Variants in ZFPM2 observed in about 807,000 individuals in gnomAD.
ZFPM2 encodes zinc finger protein ZFPM2.
A neutral mutation model predicts 98.6 loss-of-function variants in ZFPM2; 20 were observed. The observed-to-expected ratio is 0.20, with a 90% CI of 0.14 to 0.29. The LOEUF (loss-of-function observed/expected upper bound fraction) is 0.29, where lower values mean the gene tolerates loss of function less well. Ranked by LOEUF, ZFPM2 falls within the 10% of genes least tolerant of loss-of-function variation. ZFPM2 has a pLI of 1.00. For missense variants in ZFPM2, 1,310 were observed against 1,388.6 expected (o/e 0.94, Z 0.90); for synonymous variants, 518 against 502.7 (o/e 1.03, Z -0.41).
chr8:105,702,494 C>G (rs1288104330), intron 5 of ZFPM2, among the ~76,000 whole-genome samples: 1 of 152,218 alleles, frequency 6.6e-6, no homozygotes, highest in Non-Finnish European at 1.5e-5. Context: ...TCTTCCAAAG[C>G]AGGCTTCAGT....
In ZFPM2 at chr8:105,465,185, A is replaced by T. The variant is rs537470872; in HGVS notation, c.301+20804A>T. On this transcript the variant is annotated intron_variant, in intron 3 of 7. Transcript: ENST00000407775. ...CATTTATCTGCAGAAGGAGCAAAAAATATCTTGAATATAAAGGAAAAACAT... is the reference window on the plus strand; with the variant it reads ...CATTTATCTGCAGAAGGAGCAAAAATTATCTTGAATATAAAGGAAAAACAT... Among the ~76,000 whole-genome samples the T allele has an allele frequency of 5.3e-5, 8 of 152,168 alleles. No homozygotes were observed. The East Asian group carries it at 1.5e-3, about 29-fold the overall frequency.
intron 5 of ZFPM2, 112 bp downstream of exon 5, chr8:105,634,469 T>G: frequency 2.4e-6 from 2 of 825,506 alleles, no homozygotes; most frequent in South Asian, 3.4e-5. Flanking sequence ...ATCCTCTTCC[T>G]TTTTTCCCAT....
chr8:105,728,154 A>G (rs748110040), intron 5 of ZFPM2, among the ~76,000 whole-genome samples: 1 of 151,666 alleles, frequency 6.6e-6, no homozygotes, highest in African/African-American at 2.4e-5. Context: ...TAGAGAAGGT[A>G]TTGTAATTGT....
intron 5 of ZFPM2, among the ~76,000 whole-genome samples, chr8:105,688,225 A>G (rs1810789244): frequency 6.6e-6 from 1 of 152,146 alleles, no homozygotes; most frequent in Non-Finnish European, 1.5e-5. Context: ...CCAATTAAGT[A>G]TAAGTTGCTC....
chr8:105,615,183 A>G (rs1816388913), intron 4 of ZFPM2, among the ~76,000 whole-genome samples: 1 of 152,000 alleles, frequency 6.6e-6, no homozygotes, highest in Non-Finnish European at 1.5e-5. Flanking sequence ...TGAAAAAAAA[A>G]ACACTCTTAT....
chr8:105,344,022 C>T (rs555950049), intron 1 of ZFPM2, among the ~76,000 whole-genome samples: 6 of 152,250 alleles, frequency 3.9e-5, no homozygotes, highest in African/African-American at 1.4e-4. Flanking sequence ...GGATTTCTTA[C>T]ATGCAGTGGG....
chr8:105,587,909 C>T (rs1025259713), intron 4 of ZFPM2, among the ~76,000 whole-genome samples: 1 of 151,934 alleles, frequency 6.6e-6, no homozygotes, highest in African/African-American at 2.4e-5. Flanking sequence ...CCAGGTGTCC[C>T]TTGGGGAGCA....
In ZFPM2 at chr8:105,318,663, T is replaced by A. The variant is rs1811953512; in HGVS notation, c.-279T>A. 1 of 151,312 alleles carries A rather than the reference T, an allele frequency of 6.6e-6. No individual in the cohort carries two copies. Among genetic ancestry groups the A allele is most frequent in the African/African-American group, 2.4e-5 (1 of 41,288 alleles). 9.4% of individuals were successfully genotyped at this position (151,312 alleles called of 1,614,324 possible). A position where few individuals can be genotyped will look rare whatever the true frequency, so the allele number is the denominator to read the frequency against. On this transcript the variant is annotated 5_prime_UTR_variant, in exon 1 of 8. Transcript: ENST00000407775. Reference sequence around the variant, plus strand: ...TTCTCTCTCCCTGACCGTTCGCTTGTACATTCCCATTCTCCCCCCGTCGCT... The same window carrying A: ...TTCTCTCTCCCTGACCGTTCGCTTGAACATTCCCATTCTCCCCCCGTCGCT...
At chr8:105,578,938 A>G (rs1453685628) in intron 4 of ZFPM2, among the ~76,000 whole-genome samples, 5 of 152,112 alleles carry the variant, frequency 3.3e-5, no homozygotes, top group Admixed American at 6.6e-5. Context: ...GGCATTAACA[A>G]TCTGATCCTA....
chr8:105,764,117 C>CCAGG (rs1563553822), intron 5 of ZFPM2, among the ~76,000 whole-genome samples: 2 of 151,686 alleles, frequency 1.3e-5, no homozygotes, highest in African/African-American at 4.8e-5. Context: ...TGGTAAGTAT[C>CCAGG]CAGGACTCTC....
chr8:105,366,175 G>A (rs182936163), intron 1 of ZFPM2, among the ~76,000 whole-genome samples: 1 of 152,236 alleles, frequency 6.6e-6, no homozygotes, highest in East Asian at 1.9e-4. Context: ...ATTGAATTGA[G>A]GTCAGTTGCT....
intron 3 of ZFPM2, among the ~76,000 whole-genome samples, chr8:105,450,999 G>A (rs1285233153): frequency 6.6e-6 from 1 of 151,686 alleles, no homozygotes; most frequent in Non-Finnish European, 1.5e-5. Context: ...AAAAAAAGTA[G>A]GTTGGATCAC....
chr8:105,500,794 TAGTTA>T (rs1476717971), intron 3 of ZFPM2, among the ~76,000 whole-genome samples: 1 of 152,158 alleles, frequency 6.6e-6, no homozygotes, highest in Non-Finnish European at 1.5e-5. Flanking sequence ...GTGTGTACTT[TAGTTA>T]AAATAGTCCT....
At chr8:105,786,910 A>G (rs1006462772) in intron 5 of ZFPM2, among the ~76,000 whole-genome samples, 1 of 152,220 alleles carries the variant, frequency 6.6e-6, no homozygotes, top group African/African-American at 2.4e-5. Context: ...CTTACCAATA[A>G]TGTAAAGTTA....
chr8:105,444,912 CAA>C (rs942463581), intron 3 of ZFPM2, among the ~76,000 whole-genome samples: 1 of 151,840 alleles, frequency 6.6e-6, no homozygotes, highest in African/African-American at 2.4e-5. Context: ...TAAAGAAAAA[CAA>C]AAACTGATCA....
chr8:105,586,664 G>A lies in ZFPM2; in HGVS notation c.420+25183G>A, dbSNP rs1446503823. The stretch of plus-strand genomic sequence containing the variant: ...TCTTGGACTCCTGACCTGGTGATCT[G>A]CCCATCTTGGCCTTCCAAAGTGCTG... On this transcript the variant is annotated intron_variant, in intron 4 of 7. Transcript: ENST00000407775. 3.3e-5 allele frequency among the ~76,000 whole-genome samples: 5 copies of A among 151,522 alleles called. No individual in the cohort carries two copies. In the East Asian group the frequency reaches 5.9e-4, roughly 18 times the overall value.
chr8:105,438,042 T>TA (rs1030916482), intron 2 of ZFPM2, among the ~76,000 whole-genome samples: 2 of 151,666 alleles, frequency 1.3e-5, no homozygotes, highest in East Asian at 1.9e-4. Context: ...CTGTCTCCAA[T>TA]AAAAAAAATA....
At chr8:105,663,006 A>G (rs752552416) in intron 5 of ZFPM2, 2 of 152,226 alleles carry the variant, frequency 1.3e-5, no homozygotes, top group Non-Finnish European at 2.9e-5. Context: ...TGGCATGCAG[A>G]TAACTAATGC....
chr8:105,373,746 A>C (rs531854506), intron 1 of ZFPM2, among the ~76,000 whole-genome samples: 1 of 152,354 alleles, frequency 6.6e-6, no homozygotes, highest in African/African-American at 2.4e-5. Flanking sequence ...AGAAAAATGG[A>C]AACTATGTTT....
Sources: gnomAD v4.1 joint callset for allele counts (sites outside exome capture counted in the v4.1 genomes callset) on GRCh38, gnomAD v4.1.1 for gene constraint, MANE v1.5 for transcripts, NCBI Gene and HGNC (gene_info 2026-07-23, HGNC 2026-07-21) for gene names.